The following AOPEP variants were observed in gnomAD, a reference collection of about 807,000 sequenced individuals.
AOPEP encodes aminopeptidase O (putative).
AOPEP carries 77 observed loss-of-function variants against 98.1 expected under a neutral mutation model. That is an observed-to-expected ratio of 0.78 (90% CI 0.65 to 0.95). The LOEUF (loss-of-function observed/expected upper bound fraction) is 0.95, where lower values mean the gene tolerates loss of function less well. Ranked by LOEUF, AOPEP falls within the 40% of genes least tolerant of loss-of-function variation. AOPEP has a pLI of 0.00. For synonymous variants in AOPEP, 346 were observed against 365.3 expected, an observed-to-expected ratio of 0.95 and a Z score of 0.60; for missense variants, 1,024 against 1,024.7, an observed-to-expected ratio of 1.00 and a Z score of 0.01.
intron 14 of AOPEP, among the ~76,000 whole-genome samples, chr9:95,068,095 G>A (rs1000671485): frequency 1.3e-5 from 2 of 152,210 alleles, no homozygotes; most frequent in African/African-American, 4.8e-5. Flanking sequence ...CTGATGGACA[G>A]TTAGGGTGTT....
In AOPEP at chr9:94,773,796, C is replaced by T. The variant is rs888808233; in HGVS notation, c.964+628C>T. ...TTTGTTTATTTGAGAGACAGGGTCT[C>T]GCTCTGTTGCCCGGGCTGGAGTGCA... On this transcript the variant is annotated intron_variant, in intron 3 of 16. Transcript: ENST00000375315. Among the ~76,000 whole-genome samples the T allele has an allele frequency of 5.3e-5, 8 of 151,686 alleles. No homozygotes were observed. In the South Asian group the frequency reaches 8.3e-4, roughly 16 times the overall value.
At chr9:95,039,038 G>T (rs1165836632) in intron 13 of AOPEP, among the ~76,000 whole-genome samples, 2 of 152,124 alleles carry the variant, frequency 1.3e-5, no homozygotes, top group African/African-American at 4.8e-5. Context: ...ACCAGCTCTG[G>T]GTTTGAAAGA....
In AOPEP at chr9:95,083,693, G is replaced by A. The variant is rs967443364; in HGVS notation, c.*4+974G>A. ...ACCTGCGGCACACACAGCACACACC[G>A]CACGCACCACACAGAGCACATGTGG... On this transcript the variant is annotated intron_variant, in intron 16 of 16. Coordinates refer to ENST00000375315, the MANE Select transcript of AOPEP (RefSeq NM_001193329.3). Among the ~76,000 whole-genome samples the A allele has an allele frequency of 3.3e-5, 5 of 151,016 alleles. No homozygotes were observed. In the East Asian group the frequency reaches 5.9e-4, roughly 18 times the overall value.
chr9:94,963,801 G>A (rs116178113), intron 9 of AOPEP, among the ~76,000 whole-genome samples: 21 of 152,308 alleles, frequency 1.4e-4, no homozygotes, highest in African/African-American at 4.6e-4. Context: ...AGGAAAGAAA[G>A]AAGACAGACG....
intron 3 of AOPEP, among the ~76,000 whole-genome samples, chr9:94,791,325 A>G (rs1400272340): frequency 6.6e-6 from 1 of 152,044 alleles, no homozygotes; most frequent in Non-Finnish European, 1.5e-5. Flanking sequence ...AACAACAGAC[A>G]CCAGGGCCTG....
At chr9:95,089,786 G>A (rs552954988), downstream of AOPEP, among the ~76,000 whole-genome samples, 157 of 152,328 alleles carry the variant, frequency 1.0e-3, no homozygotes, top group African/African-American at 3.7e-3. Context: ...CCCCGCGGCC[G>A]ACCCATGGGT....
intron 13 of AOPEP, among the ~76,000 whole-genome samples, chr9:95,023,547 A>G (rs1175568201): frequency 1.3e-5 from 2 of 152,230 alleles, no homozygotes; most frequent in Non-Finnish European, 2.9e-5. Flanking sequence ...TGAAGTCACT[A>G]GAGCTGTTTT....
chr9:95,024,462 G>T (rs2063691501), intron 13 of AOPEP, among the ~76,000 whole-genome samples: 1 of 152,350 alleles, frequency 6.6e-6, no homozygotes, highest in Admixed American at 6.5e-5. Context: ...AGCCTTGAGA[G>T]TGACCAGGGA....
At chr9:94,935,015 C>T (rs997035939) in intron 7 of AOPEP, 7 of 152,212 alleles carry the variant, frequency 4.6e-5, no homozygotes, top group African/African-American at 1.7e-4. Context: ...GTGTCCCCGC[C>T]CAAATCTCAT....
chr9:94,749,557 C>G (rs365465), intron 1 of AOPEP, among the ~76,000 whole-genome samples: 7,893 of 152,228 alleles, frequency 0.052, 227 homozygotes, highest in Admixed American at 0.077. Flanking sequence ...AGTACCTGTT[C>G]ATTCTTTTTC....
chr9:95,127,984 T>C, the AOPEP span, among the ~76,000 whole-genome samples: 8 of 152,256 alleles, frequency 5.3e-5, no homozygotes, highest in African/African-American at 1.9e-4. Flanking sequence ...TTCACTGATG[T>C]GCATTTTTAT....
At chr9:95,032,846 G>T (rs1457151035) in intron 13 of AOPEP, among the ~76,000 whole-genome samples, 7 of 152,180 alleles carry the variant, frequency 4.6e-5, no homozygotes, top group Non-Finnish European at 1.5e-5. Flanking sequence ...AGGACGTGCA[G>T]CCCTGAGAGC....
intron 13 of AOPEP, among the ~76,000 whole-genome samples, chr9:95,036,161 G>C (rs2064802539): frequency 6.6e-6 from 1 of 152,190 alleles, no homozygotes; most frequent in African/African-American, 2.4e-5. Flanking sequence ...ATATGATCTT[G>C]TGTGATCTCA....
chr9:95,086,173 C>CGCGTCCACCCT (rs527520724), intron 16 of AOPEP: 11 of 1,325,436 alleles, frequency 8.3e-6, no homozygotes, highest in African/African-American at 3.0e-5. Flanking sequence ...CAGACAGGCC[C>CGCGTCCACCCT]GCGTCCACCC....
At position 94,929,622 on chromosome 9, in the gene AOPEP, C is replaced by T. The variant is rs373135498; in HGVS notation, c.1661+1091C>T. On this transcript the variant is annotated intron_variant, in intron 7 of 16. Transcript: ENST00000375315. ...CCAGGAGCCAGGAGACCTGTGTTCC[C>T]GCCCCAAAGCCATTGTTCCAGCATC... is the stretch of plus-strand genomic sequence containing the variant. 8.4e-4 allele frequency among the ~76,000 whole-genome samples: 128 copies of T among 152,286 alleles called. 1 individual carries two copies. The highest frequency in any genetic ancestry group is 2.9e-3 in the African/African-American group (120 of 41,568).
chr9:94,739,482 T>C (rs1013939671), intron 1 of AOPEP, among the ~76,000 whole-genome samples: 3 of 151,756 alleles, frequency 2.0e-5, no homozygotes, highest in African/African-American at 7.3e-5. Context: ...CTGTCTCTAC[T>C]AAAAATACAA....
intron 3 of AOPEP, among the ~76,000 whole-genome samples, chr9:94,782,423 A>G (rs1010078611): frequency 1.8e-4 from 27 of 152,070 alleles, no homozygotes; most frequent in African/African-American, 6.3e-4. Context: ...GCAAAATGCT[A>G]CTCTCTGGCC....
At chr9:94,777,471 T>C (rs905316390) in intron 3 of AOPEP, among the ~76,000 whole-genome samples, 1 of 150,672 alleles carries the variant, frequency 6.6e-6, no homozygotes, top group African/African-American at 2.4e-5. Context: ...AATAACATAA[T>C]GTAAATCTCT....
the AOPEP span, chr9:95,142,455 C>T: frequency 6.6e-6 from 1 of 152,396 alleles, no homozygotes; most frequent in Non-Finnish European, 1.5e-5. Context: ...TTAAAGCCTA[C>T]AGCACCCGCT....
Sources: gnomAD v4.1 joint callset for allele counts (sites outside exome capture counted in the v4.1 genomes callset) on GRCh38, gnomAD v4.1.1 for gene constraint, MANE v1.5 for transcripts, NCBI Gene and HGNC (gene_info 2026-07-23, HGNC 2026-07-21) for gene names.